Variants in NOS1AP observed in about 807,000 individuals in gnomAD.
NOS1AP encodes the protein carboxyl-terminal PDZ ligand of neuronal nitric oxide synthase protein.
In NOS1AP, 21 loss-of-function variants were observed where a neutral mutation model predicts 56.2. The observed-to-expected ratio is 0.37, with a 90% confidence interval of 0.26 to 0.54. NOS1AP has a LOEUF of 0.54. Ranked by LOEUF, NOS1AP falls within the 20% of genes least tolerant of loss-of-function variation. The pLI, the probability that NOS1AP is intolerant of heterozygous loss-of-function variation, is 0.84. For synonymous variants in NOS1AP, 270 were observed against 274.6 expected (o/e 0.98, Z 0.17); for missense variants, 522 against 657.8 (o/e 0.79, Z 2.26).
Position 162,367,126 on chromosome 1 carries a change from C to T in NOS1AP, c.1180C>T (p.Pro394Ser), listed in dbSNP as rs1191827794. The T allele has an allele frequency of 1.2e-6, 2 of 1,613,758 alleles. No individual in the cohort carries two copies. Among genetic ancestry groups the T allele is most frequent in the East Asian group, 2.2e-5 (1 of 44,886 alleles). The change falls in exon 10 of 10, where the codon CCT (proline) becomes TCT (serine). Residue 394 changes from proline (P) to serine (S), a missense_variant. Coordinates refer to ENST00000361897, the MANE Select transcript of NOS1AP (RefSeq NM_014697.3). This position sits in a 1 kb window ranked among gnomAD's most constrained non-coding sequence, Gnocchi z 6.5. ...ALPVLCDPTT[P>S]KPEDLHSPPL... Reference sequence around the variant, plus strand: ...GCCCGTGCTCTGTGACCCCACGACCCCTAAGCCAGAGGACCTGCATTCGCC... The same window carrying T: ...GCCCGTGCTCTGTGACCCCACGACCTCTAAGCCAGAGGACCTGCATTCGCC...
At chr1:162,337,220 C>T (rs558000077) in intron 5 of NOS1AP, among the ~76,000 whole-genome samples, 1 of 152,312 alleles carries the variant, frequency 6.6e-6, no homozygotes, top group Non-Finnish European at 1.5e-5. Context: ...GCAGGCATCT[C>T]CCCATTATCT....
intron 1 of NOS1AP, among the ~76,000 whole-genome samples, chr1:162,133,407 C>G (rs896720180): frequency 6.6e-6 from 1 of 152,140 alleles, no homozygotes; most frequent in African/African-American, 2.4e-5. Flanking sequence ...ACCATTGTGC[C>G]TAAACCCAGA....
At chr1:162,345,720 G>A (rs967425818) in intron 6 of NOS1AP, among the ~76,000 whole-genome samples, 1 of 152,150 alleles carries the variant, frequency 6.6e-6, no homozygotes, top group African/African-American at 2.4e-5. Context: ...GTGTGATCTT[G>A]GGCAAGTTCC....
intron 4 of NOS1AP, among the ~76,000 whole-genome samples, chr1:162,318,650 T>G (rs1345630323): frequency 6.6e-6 from 1 of 152,114 alleles, no homozygotes; most frequent in African/African-American, 2.4e-5. Flanking sequence ...CCCTTTCTTC[T>G]TCTTCTTCTT....
chr1:162,187,796 T>C (rs988718486), intron 2 of NOS1AP, among the ~76,000 whole-genome samples: 2 of 152,220 alleles, frequency 1.3e-5, no homozygotes, highest in African/African-American at 4.8e-5. Context: ...ATTGTAGTCA[T>C]GTTCAGAGCC....
chr1:162,178,879 A>G (rs140513470), intron 2 of NOS1AP, among the ~76,000 whole-genome samples: 121 of 152,354 alleles, frequency 7.9e-4, no homozygotes, highest in African/African-American at 2.6e-3. Flanking sequence ...ATTGTCAAAC[A>G]TACACCAAAG....
Position 162,367,694 on chromosome 1 carries a change from G to A in NOS1AP, c.*227G>A. 1.7e-6 allele frequency: 1 copy of A among 572,592 alleles called. No homozygotes were observed. Among genetic ancestry groups the A allele is most frequent in the Non-Finnish European group, 3.1e-6 (1 of 323,948 alleles). 35.5% of individuals were successfully genotyped at this position (572,592 alleles called of 1,614,324 possible). On this transcript the variant is annotated 3_prime_UTR_variant, in exon 10 of 10. Transcript: ENST00000361897. This position sits in a 1 kb window ranked among gnomAD's most constrained non-coding sequence, Gnocchi z 6.5. ...TCAGCTCCTCTCCTACTTGTGACTA[G>A]AGGGTGGTGGAGGTAAGGCCTTCCA...
chr1:162,189,477 T>C (rs757291329), intron 2 of NOS1AP, among the ~76,000 whole-genome samples: 3 of 152,234 alleles, frequency 2.0e-5, no homozygotes, highest in Admixed American at 6.5e-5. Flanking sequence ...TTTCTCCTAC[T>C]CAAAGAATTG....
intron 8 of NOS1AP, among the ~76,000 whole-genome samples, chr1:162,361,727 G>A (rs1253897060): frequency 6.6e-6 from 1 of 152,190 alleles, no homozygotes; most frequent in Non-Finnish European, 1.5e-5. Context: ...CATGGCACTT[G>A]GTGCCAATGG....
At chr1:162,117,652 C>T (rs1275968799) in intron 1 of NOS1AP, among the ~76,000 whole-genome samples, 1 of 152,160 alleles carries the variant, frequency 6.6e-6, no homozygotes, top group Non-Finnish European at 1.5e-5. Flanking sequence ...TCATTGTGCT[C>T]CCTGAAATAA....
intron 2 of NOS1AP, among the ~76,000 whole-genome samples, chr1:162,173,591 C>T (rs1369567389): frequency 6.6e-6 from 1 of 152,176 alleles, no homozygotes; most frequent in East Asian, 1.9e-4. Flanking sequence ...AACTAAAGAG[C>T]TTCTGCACGC....
At chr1:162,345,164 T>G (rs974868704) in intron 6 of NOS1AP, among the ~76,000 whole-genome samples, 1 of 152,160 alleles carries the variant, frequency 6.6e-6, no homozygotes, top group Non-Finnish European at 1.5e-5. Flanking sequence ...TTTTTTTCTT[T>G]TATTATTATA....
At chr1:162,271,860 T>C (rs1654591325) in intron 2 of NOS1AP, among the ~76,000 whole-genome samples, 1 of 152,192 alleles carries the variant, frequency 6.6e-6, no homozygotes, top group Admixed American at 6.5e-5. Flanking sequence ...ATGGCTGCCT[T>C]CCTGCTGTGT....
intron 1 of NOS1AP, among the ~76,000 whole-genome samples, chr1:162,102,330 G>C (rs10918681): frequency 2.0e-5 from 3 of 152,028 alleles, no homozygotes; most frequent in Non-Finnish European, 4.4e-5. Context: ...TTTTTGATGC[G>C]CTGCTGGATT....
At chr1:162,108,895 C>T (rs1484057233) in intron 1 of NOS1AP, among the ~76,000 whole-genome samples, 1 of 152,098 alleles carries the variant, frequency 6.6e-6, no homozygotes, top group Non-Finnish European at 1.5e-5. Flanking sequence ...GATGTATTCT[C>T]ACACTGCTAA....
chr1:162,315,842 G>T (rs1656211105), intron 4 of NOS1AP, among the ~76,000 whole-genome samples: 1 of 152,198 alleles, frequency 6.6e-6, no homozygotes, highest in Admixed American at 6.5e-5. Context: ...TACCCCCACA[G>T]TGGGGATCTA....
At chr1:162,235,320 C>T (rs940261689) in intron 2 of NOS1AP, among the ~76,000 whole-genome samples, 2 of 152,180 alleles carry the variant, frequency 1.3e-5, no homozygotes, top group Non-Finnish European at 2.9e-5. Flanking sequence ...TGGCAACAGG[C>T]ATGACCCTTA....
intron 2 of NOS1AP, among the ~76,000 whole-genome samples, chr1:162,202,891 A>G (rs888095069): frequency 1.3e-5 from 2 of 152,312 alleles, no homozygotes. Context: ...AGCTTCAGGT[A>G]TGCTTGGATA....
chr1:162,164,647 A>G (rs1336429664), intron 2 of NOS1AP, among the ~76,000 whole-genome samples: 1 of 152,220 alleles, frequency 6.6e-6, no homozygotes, highest in Non-Finnish European at 1.5e-5. Flanking sequence ...TTCACTAAGC[A>G]TAATGTTTCT....
Sources: gnomAD v4.1 joint callset for allele counts (sites outside exome capture counted in the v4.1 genomes callset) on GRCh38, gnomAD v4.1.1 for gene constraint, Gnocchi (gnomAD v3.1) non-coding constraint, MANE v1.5 for transcripts, NCBI Gene and HGNC (gene_info 2026-07-23, HGNC 2026-07-21) for gene names.